The following AXDND1 variants were observed in gnomAD, a reference collection of about 807,000 sequenced individuals.
The protein encoded by AXDND1 is axonemal dynein light chain domain containing 1.
AXDND1 carries 110 observed loss-of-function variants against 137.5 expected under a neutral mutation model. The ratio of observed to expected loss-of-function variants is 0.80; its 90% CI spans 0.69 to 0.94. The LOEUF (loss-of-function observed/expected upper bound fraction) is 0.94. AXDND1 is among the 40% of genes least tolerant of loss of function. AXDND1 has a pLI of 0.00. For synonymous variants in AXDND1, 414 were observed against 399.7 expected, an observed-to-expected ratio of 1.04 and a Z score of -0.43; for missense variants, 1,191 against 1,169.8, an observed-to-expected ratio of 1.02 and a Z score of -0.26.
At chr1:179,400,928 G>A (rs199951267) in intron 11 of AXDND1, among the ~76,000 whole-genome samples, 360 of 77,060 alleles carry the variant, frequency 4.7e-3, no homozygotes, top group Middle Eastern at 0.043. Context: ...AAAAAAAAAA[G>A]AAAAAAAAAA....
intron 17 of AXDND1, among the ~76,000 whole-genome samples, chr1:179,482,796 G>A (rs573302225): frequency 1.3e-5 from 2 of 151,812 alleles, no homozygotes; most frequent in East Asian, 1.9e-4. Flanking sequence ...TCATTGAGAG[G>A]ATTTTAAAAT....
chr1:179,538,179 T>C (rs899257865), intron 25 of AXDND1, among the ~76,000 whole-genome samples: 9 of 152,228 alleles, frequency 5.9e-5, no homozygotes, highest in African/African-American at 2.2e-4. Flanking sequence ...GGGTTTTTTG[T>C]GTCTCTGTCT....
chr1:179,542,586 G>A (rs1239644983), intron 25 of AXDND1, among the ~76,000 whole-genome samples: 1 of 152,106 alleles, frequency 6.6e-6, no homozygotes, highest in South Asian at 2.1e-4. Flanking sequence ...CTTTTATCCT[G>A]ATAATTTGAA....
chr1:179,495,465 T>C (rs190240950), intron 20 of AXDND1, among the ~76,000 whole-genome samples: 68 of 152,256 alleles, frequency 4.5e-4, no homozygotes, highest in Non-Finnish European at 8.4e-4. Flanking sequence ...TATTATTTTA[T>C]AATTACAATT....
intron 16 of AXDND1, chr1:179,456,645 C>T: frequency 1.2e-6 from 1 of 850,274 alleles, no homozygotes; most frequent in South Asian, 1.3e-5. Context: ...ATCACCACCA[C>T]AGCTGCCACC....
chr1:179,418,663 G>A (rs1377083079), intron 12 of AXDND1, among the ~76,000 whole-genome samples: 6 of 142,304 alleles, frequency 4.2e-5, no homozygotes, highest in Non-Finnish European at 9.6e-5. Context: ...TGGCCGGGTG[G>A]GGGGCCGACA....
intron 11 of AXDND1, 31 bp downstream of exon 11, chr1:179,395,233 T>G: frequency 6.4e-7 from 1 of 1,567,540 alleles, no homozygotes; most frequent in East Asian, 2.2e-5. Context: ...TTAGCTTACA[T>G]AGGGGAAAAG....
At chr1:179,403,785 G>A (rs929533846) in intron 11 of AXDND1, among the ~76,000 whole-genome samples, 3 of 152,096 alleles carry the variant, frequency 2.0e-5, no homozygotes, top group Non-Finnish European at 4.4e-5. Flanking sequence ...TGTTGGCCAG[G>A]CTGGTCTGGA....
intron 17 of AXDND1, among the ~76,000 whole-genome samples, chr1:179,469,061 C>G (rs1293354743): frequency 6.6e-6 from 1 of 152,062 alleles, no homozygotes; most frequent in Admixed American, 6.6e-5. Flanking sequence ...TCCTGAGTAG[C>G]TGGGACTACA....
chr1:179,517,935 C>T (rs1669698127), intron 21 of AXDND1, among the ~76,000 whole-genome samples: 1 of 152,236 alleles, frequency 6.6e-6, no homozygotes, highest in Non-Finnish European at 1.5e-5. Flanking sequence ...CTCTGTCCAT[C>T]TGAGTTGGAG....
chr1:179,392,685 T>A (rs1238756698), intron 9 of AXDND1, among the ~76,000 whole-genome samples: 2 of 152,228 alleles, frequency 1.3e-5, no homozygotes, highest in Non-Finnish European at 2.9e-5. Context: ...TAGGGTGATA[T>A]TTCATTGTAG....
intron 23 of AXDND1, among the ~76,000 whole-genome samples, chr1:179,530,609 A>G (rs891072766): frequency 6.6e-6 from 1 of 151,800 alleles, no homozygotes; most frequent in Non-Finnish European, 1.5e-5. Context: ...TGCCATGTGG[A>G]TAGCCCAGGT....
At chr1:179,419,639 GAGGGAGA>G (rs1243473632) in intron 12 of AXDND1, among the ~76,000 whole-genome samples, 8 of 89,868 alleles carry the variant, frequency 8.9e-5, no homozygotes, top group Admixed American at 3.4e-4. Flanking sequence ...GGGAGAGGGA[GAGGGAGA>G]GGGGGAGGGG....
At chr1:179,551,604 C>A in intron 25 of AXDND1, 1 of 840,568 alleles carries the variant, frequency 1.2e-6, no homozygotes, top group Non-Finnish European at 1.9e-6. Flanking sequence ...TCTGAAGGGT[C>A]TTGAGCTGGG....
intron 25 of AXDND1, chr1:179,551,628 CTG>C: frequency 1.5e-6 from 1 of 671,744 alleles, no homozygotes; most frequent in Non-Finnish European, 2.5e-6. Flanking sequence ...ACAGATTAAA[CTG>C]TTAATCACAA....
intron 18 of AXDND1, among the ~76,000 whole-genome samples, chr1:179,487,102 C>T (rs1666166975): frequency 6.7e-6 from 1 of 148,630 alleles, no homozygotes; most frequent in Non-Finnish European, 1.5e-5. Context: ...CCCAAAGTCT[C>T]CAAGTAAAAG....
At chr1:179,486,734 C>T (rs1666128197) in intron 18 of AXDND1, among the ~76,000 whole-genome samples, 1 of 148,784 alleles carries the variant, frequency 6.7e-6, no homozygotes, top group Non-Finnish European at 1.5e-5. Context: ...AACTGAGCTT[C>T]ATAAGCAAAG....
At chr1:179,400,686 G>A (rs1651848777) in intron 11 of AXDND1, among the ~76,000 whole-genome samples, 1 of 146,446 alleles carries the variant, frequency 6.8e-6, no homozygotes, top group Non-Finnish European at 1.5e-5. Flanking sequence ...GGCAGATCAC[G>A]AGGTCAGGAG....
intron 11 of AXDND1, among the ~76,000 whole-genome samples, chr1:179,401,258 CAA>C (rs201354000): frequency 0.025 from 2,120 of 83,670 alleles, 53 homozygotes; most frequent in African/African-American, 0.091. Context: ...AACTCCATCT[CAA>C]AAAAAAAAAA....
Sources: allele counts gnomAD v4.1 joint callset (sites outside exome capture counted in the v4.1 genomes callset), GRCh38; gene constraint gnomAD v4.1.1; transcripts MANE v1.5; gene names NCBI Gene and HGNC (gene_info 2026-07-23, HGNC 2026-07-21).